DCC: variants seen among roughly 807,000 people sequenced by gnomAD.
The protein encoded by DCC is DCC netrin 1 receptor.
In DCC, 58 loss-of-function variants were observed where a neutral mutation model predicts 172.5. That is an observed-to-expected ratio of 0.34 (90% CI 0.27 to 0.42). The LOEUF is 0.42. Ranked by LOEUF, DCC falls within the 10% of genes least tolerant of loss-of-function variation. The probability of loss-of-function intolerance (pLI) is 1.00; values close to 1 mark genes in which losing one functional copy is unlikely to be tolerated. For synonymous variants in DCC, 709 were observed against 644.5 expected, an observed-to-expected ratio of 1.10 and a Z score of -1.52; for missense variants, 1,740 against 1,791.0, an observed-to-expected ratio of 0.97 and a Z score of 0.51.
intron 1 of DCC, among the ~76,000 whole-genome samples, chr18:52,672,121 C>G (rs1378736868): frequency 6.6e-6 from 1 of 152,006 alleles, no homozygotes; most frequent in Non-Finnish European, 1.5e-5. Flanking sequence ...AAAACAAAAA[C>G]AAAACAACAA....
At chr18:52,896,306 T>C (rs898880396) in intron 2 of DCC, among the ~76,000 whole-genome samples, 1 of 152,074 alleles carries the variant, frequency 6.6e-6, no homozygotes, top group Non-Finnish European at 1.5e-5. Context: ...TACATTAAAG[T>C]AAAACAAGCA....
chr18:52,973,385 G>T (rs958857973), intron 5 of DCC, among the ~76,000 whole-genome samples: 2 of 152,024 alleles, frequency 1.3e-5, no homozygotes, highest in African/African-American at 4.8e-5. Context: ...ATAATACGAT[G>T]CTCATTTTAT....
At chr18:52,621,208 G>A (rs2034472681) in intron 1 of DCC, among the ~76,000 whole-genome samples, 1 of 152,188 alleles carries the variant, frequency 6.6e-6, no homozygotes, top group African/African-American at 2.4e-5. Context: ...TCCAAATGCT[G>A]AAAATTCAGC....
chr18:52,778,337 G>T (rs1026490699), intron 2 of DCC, among the ~76,000 whole-genome samples: 82 of 152,114 alleles, frequency 5.4e-4, no homozygotes, highest in African/African-American at 2.0e-3. Context: ...GTCTTTTAAT[G>T]AATCTTGGGG....
intron 9 of DCC, among the ~76,000 whole-genome samples, chr18:53,198,593 T>C (rs1443915104): frequency 1.3e-5 from 2 of 152,176 alleles, no homozygotes; most frequent in Admixed American, 6.6e-5. Flanking sequence ...GATCTCATTA[T>C]AAAGTGCTCT....
chr18:52,871,273 C>T (rs150729654), intron 2 of DCC, among the ~76,000 whole-genome samples: 97 of 152,204 alleles, frequency 6.4e-4, no homozygotes, highest in South Asian at 2.3e-3. Flanking sequence ...CCCACTTGGT[C>T]ACCAGTCAAC....
chr18:52,885,119 A>G (rs1824533241), intron 2 of DCC, among the ~76,000 whole-genome samples: 1 of 152,056 alleles, frequency 6.6e-6, no homozygotes, highest in Non-Finnish European at 1.5e-5. Context: ...AGCAAACACA[A>G]CACTGGGTCT....
chr18:52,343,848 TGTGG>T (rs1983763298), intron 1 of DCC, among the ~76,000 whole-genome samples: 2 of 152,148 alleles, frequency 1.3e-5, no homozygotes, highest in Non-Finnish European at 2.9e-5. Context: ...GATGCCCCCA[TGTGG>T]GTTTGCTTTT....
intron 12 of DCC, among the ~76,000 whole-genome samples, chr18:53,291,352 C>T (rs1332655658): frequency 1.3e-5 from 2 of 151,962 alleles, no homozygotes; most frequent in African/African-American, 4.8e-5. Context: ...AGTGGTTATT[C>T]TTGATAAATG....
chr18:52,654,651 C>T (rs1362655480), intron 1 of DCC, among the ~76,000 whole-genome samples: 1 of 152,090 alleles, frequency 6.6e-6, no homozygotes, highest in Non-Finnish European at 1.5e-5. Context: ...AAGTTAAGGG[C>T]TTTGCTTTAA....
chr18:53,317,821 G>A (rs2057361219), intron 13 of DCC, among the ~76,000 whole-genome samples: 1 of 152,150 alleles, frequency 6.6e-6, no homozygotes, highest in South Asian at 2.1e-4. Context: ...TGTGGGATCA[G>A]TGGTGATCTC....
At chr18:53,250,272 A>G (rs1188537200) in intron 12 of DCC, among the ~76,000 whole-genome samples, 1 of 151,968 alleles carries the variant, frequency 6.6e-6, no homozygotes, top group Non-Finnish European at 1.5e-5. Flanking sequence ...GAAATTATAA[A>G]GTTTTACCAT....
Position 53,459,359 on chromosome 18 carries a change from G to A in DCC, c.3520G>A (p.Ala1174Thr). The A allele has an allele frequency of 6.2e-7, 1 of 1,613,904 alleles. No homozygotes were observed. Among genetic ancestry groups the A allele is most frequent in the South Asian group, 1.1e-5 (1 of 91,066 alleles). The change falls in exon 24 of 29, where the codon GCA becomes ACA. Residue 1174 changes from alanine to threonine, a missense_variant. Ala to Thr is a moderately conservative substitution (Grantham distance 58, BLOSUM62 0). Transcript: ENST00000442544. ...TGAAAAGCCATCTGGCACTGACCCT[G>A]CAGGAAGGGACTCTCCCATCCAAAG... ...NIEKPSGTDP[A>T]GRDSPIQSCQ...
intron 1 of DCC, among the ~76,000 whole-genome samples, chr18:52,559,946 A>T (rs2032999252): frequency 6.6e-6 from 1 of 152,226 alleles, no homozygotes; most frequent in Admixed American, 6.6e-5. Flanking sequence ...AGCAATCTAT[A>T]AACAATATCT....
chr18:52,481,697 T>C (rs1049760120), intron 1 of DCC, among the ~76,000 whole-genome samples: 4 of 152,098 alleles, frequency 2.6e-5, no homozygotes, highest in Non-Finnish European at 5.9e-5. Context: ...ATGTTGGAAC[T>C]CTAACAGTGA....
At chr18:53,409,285 G>A (rs1018756102) in intron 19 of DCC, among the ~76,000 whole-genome samples, 3 of 152,162 alleles carry the variant, frequency 2.0e-5, no homozygotes, top group Non-Finnish European at 4.4e-5. Flanking sequence ...TAACCACTGC[G>A]AAGACCTGTG....
intron 1 of DCC, among the ~76,000 whole-genome samples, chr18:52,745,288 A>G (rs2036889596): frequency 6.6e-6 from 1 of 152,226 alleles, no homozygotes; most frequent in Non-Finnish European, 1.5e-5. Flanking sequence ...TCAAATATGA[A>G]AAGTCATGGC....
chr18:52,615,785 C>A (rs1324976955), intron 1 of DCC, among the ~76,000 whole-genome samples: 1 of 151,964 alleles, frequency 6.6e-6, no homozygotes, highest in East Asian at 1.9e-4. Context: ...ACTGAAAGGG[C>A]AAAAGTGGTC....
intron 26 of DCC, among the ~76,000 whole-genome samples, chr18:53,491,985 C>G (rs1044879782): frequency 1.3e-5 from 2 of 152,150 alleles, no homozygotes; most frequent in Non-Finnish European, 2.9e-5. Flanking sequence ...TGTTTCCTGA[C>G]TTTTTAATGA....
Sources: allele counts gnomAD v4.1 joint callset (sites outside exome capture counted in the v4.1 genomes callset), GRCh38; gene constraint gnomAD v4.1.1; transcripts MANE v1.5; gene names NCBI Gene and HGNC (gene_info 2026-07-23, HGNC 2026-07-21).